AXL: variants seen among roughly 807,000 people sequenced by gnomAD.
AXL encodes the protein tyrosine-protein kinase receptor UFO.
In AXL, 52 loss-of-function variants were observed where a neutral mutation model predicts 104.5. The observed-to-expected ratio is 0.50, with a 90% CI of 0.40 to 0.63. The LOEUF is 0.63. Ranked by LOEUF, AXL falls within the 20% of genes least tolerant of loss-of-function variation. The probability of loss-of-function intolerance (pLI) is 0.00; values close to 1 mark genes in which losing one functional copy is unlikely to be tolerated. For missense variants in AXL, 1,024 were observed against 1,188.5 expected (o/e 0.86, Z 2.04); for synonymous variants, 455 against 473.7 (o/e 0.96, Z 0.51).
intron 6 of AXL, among the ~76,000 whole-genome samples, chr19:41,235,088 C>A (rs564487909): frequency 6.6e-6 from 1 of 152,128 alleles, no homozygotes; most frequent in Non-Finnish European, 1.5e-5. Flanking sequence ...CACGGTGGCT[C>A]GTGCCTGTGA....
rs2122249146 is a variant in AXL, at chr19:41,243,578, GT to G, written c.1446-33del. 3 of 1,537,850 alleles carry G rather than the reference GT, an allele frequency of 2.0e-6. No individual in the cohort carries two copies. In the African/African-American group the frequency reaches 4.1e-5, roughly 21 times the overall value. On this transcript the variant is annotated intron_variant, in intron 11 of 19. Coordinates refer to ENST00000301178, the MANE Select transcript of AXL (RefSeq NM_021913.5). ...CTGGTTGAGTAGGGGGTTCCACATG[GT>G]TTTTCCCTGCCCTCACCTACTCCCC...
intron 6 of AXL, among the ~76,000 whole-genome samples, chr19:41,235,565 G>C (rs955007340): frequency 2.6e-5 from 4 of 152,134 alleles, no homozygotes; most frequent in African/African-American, 9.7e-5. Context: ...TTGAGCCCCA[G>C]ATCCAGCATC....
At position 41,248,508 on chromosome 19, in the gene AXL, A is replaced by T; in HGVS notation, c.1538-6A>T. 1 of 1,614,190 alleles carries T rather than the reference A, an allele frequency of 6.2e-7. No homozygotes were observed. The highest frequency in any genetic ancestry group is 8.5e-7 in the Non-Finnish European group (1 of 1,179,986). On this transcript the variant is annotated splice_polypyrimidine_tract_variant and splice_region_variant and intron_variant, in intron 12 of 19. Transcript: ENST00000301178. ...ATGACTCTGTCCACCCCAACCTTGC[A>T]TGCAGTGAACAGCCTGGGCATCAGT...
chr19:41,252,426 A>G lies in AXL; in HGVS notation c.1787A>G (p.Asn596Ser), dbSNP rs1568417596. Reference protein sequence around the residue: ...AVCMKEFDHPNVMRLIGVCFQ... With the variant: ...AVCMKEFDHPSVMRLIGVCFQ... ...TGCATGAAGGAATTTGACCATCCCA[A>G]CGTCATGAGGCTCATCGGTGAGAGA... Residue 596 changes from asparagine (N) to serine (S), a missense_variant, in exon 15 of 20, where the codon AAC becomes AGC. Around this residue, in one of 5 missense-constraint regions of AXL, gnomAD observed 523 missense variants for 636.0 expected, o/e 0.82. Coordinates refer to ENST00000301178, the MANE Select transcript of AXL (RefSeq NM_021913.5). 1 of 1,613,888 alleles carries G rather than the reference A, an allele frequency of 6.2e-7. No individual in the cohort carries two copies. Among genetic ancestry groups the G allele is most frequent in the East Asian group, 2.2e-5 (1 of 44,840 alleles).
intron 4 of AXL, among the ~76,000 whole-genome samples, chr19:41,224,834 G>T (rs1404163916): frequency 6.6e-6 from 1 of 151,824 alleles, no homozygotes. Flanking sequence ...CTTCTCTCTG[G>T]TCTCCCTGTG....
At chr19:41,223,352 C>A (rs1268729531) in intron 4 of AXL, among the ~76,000 whole-genome samples, 1 of 152,040 alleles carries the variant, frequency 6.6e-6, no homozygotes, top group Non-Finnish European at 1.5e-5. Context: ...TGACAGAAAC[C>A]CTCTCCTTCT....
chr19:41,257,673 C>G (rs764157204), intron 19 of AXL, 44 bp downstream of exon 19: 21 of 1,610,998 alleles, frequency 1.3e-5, no homozygotes, highest in South Asian at 3.3e-5. Flanking sequence ...TCATTCCAAA[C>G]CCCTGACTAC....
At position 41,239,687 on chromosome 19, in the gene AXL, C is replaced by T; in HGVS notation, c.1286-7C>T. On this transcript the variant is annotated splice_region_variant and splice_polypyrimidine_tract_variant and intron_variant, in intron 9 of 19. Coordinates refer to ENST00000301178, the MANE Select transcript of AXL (RefSeq NM_021913.5). The stretch of plus-strand genomic sequence containing the variant: ...GCACATCTCCTCTCTGTCCTTTCTT[C>T]TCACAGGGCAAGCACAGCCAGTCCA... The T allele has an allele frequency of 6.2e-7, 1 of 1,614,182 alleles. No homozygotes were observed.
intron 10 of AXL, among the ~76,000 whole-genome samples, chr19:41,241,027 A>C (rs1403646860): frequency 6.6e-6 from 1 of 151,806 alleles, no homozygotes; most frequent in Admixed American, 6.6e-5. Flanking sequence ...TGTGCACCCC[A>C]TACTTCTCAT....
intron 16 of AXL, 83 bp downstream of exon 16, chr19:41,253,050 C>A: frequency 6.8e-7 from 1 of 1,461,990 alleles, no homozygotes. Context: ...CCTGGGAAGA[C>A]CACGGTGACC....
chr19:41,256,636 G>A (rs766387419), intron 18 of AXL, 25 bp downstream of exon 18: 1 of 1,607,592 alleles, frequency 6.2e-7, no homozygotes, highest in East Asian at 2.2e-5. Flanking sequence ...GCCAAGAGTG[G>A]GGAACCATGG....
In AXL at chr19:41,221,454, A is replaced by T. The variant is rs1286435565; in HGVS notation, c.409+208A>T. 7.1e-5 allele frequency: 39 copies of T among 550,166 alleles called. 1 individual carries two copies. In the South Asian group the frequency reaches 9.4e-4, roughly 13 times the overall value. The allele number at this position is 550,166 out of a possible 1,614,324, so 34.1% of individuals were successfully genotyped here. ...GTTATGGTGCCAAGGCTGGGGGATT[A>T]TATGTTCTGGGTGAAAAGACTTCTT... On this transcript the variant is annotated intron_variant, in intron 3 of 19. Coordinates refer to ENST00000301178, the MANE Select transcript of AXL (RefSeq NM_021913.5).
rs372826434 is a variant in AXL at position 41,252,397 on chromosome 19, G to A, written c.1758G>A (p.Ala586=). Residue 586 remains alanine, a synonymous_variant, in exon 15 of 20, where the codon GCG becomes GCA. Transcript: ENST00000301178. The part of the protein sequence containing the change: ...RSELEDFLSE[A]VCMKEFDHPN... ...AGCTGGAGGATTTCCTGAGTGAAGC[G>A]GTCTGCATGAAGGAATTTGACCATC... The A allele has an allele frequency of 9.9e-6, 16 of 1,613,772 alleles. No individual in the cohort carries two copies. Among genetic ancestry groups the A allele is most frequent in the African/African-American group, 6.7e-5 (5 of 74,850 alleles).
intron 6 of AXL, among the ~76,000 whole-genome samples, chr19:41,233,704 G>GCTCCCTCTCTGGGCCT (rs2034033037): frequency 1.4e-5 from 2 of 147,176 alleles, no homozygotes; most frequent in South Asian, 4.3e-4. Context: ...CCAGAGAGGG[G>GCTCCCTCTCTGGGCCT]CCCCCTCTCT....
At chr19:41,253,022 AC>A in intron 16 of AXL, 55 bp downstream of exon 16, 1 of 1,591,592 alleles carries the variant, frequency 6.3e-7, no homozygotes. Context: ...TCTATCAGGT[AC>A]CCAGTGCTGC....
rs191013804 is a variant in AXL at position 41,254,912 on chromosome 19, T to A, written c.2036+1204T>A. Among the ~76,000 whole-genome samples, 708 of 151,734 alleles carry A rather than the reference T, an allele frequency of 4.7e-3. 4 individuals carry two copies. Among genetic ancestry groups the A allele is most frequent in the Admixed American group, 7.6e-3 (115 of 15,224 alleles). ...CTGGGCAACAGGGCAAGATCCCATC[T>A]AAAAAAAAATTGATGTATATTTTAC... On this transcript the variant is annotated intron_variant, in intron 17 of 19. Coordinates refer to ENST00000301178, the MANE Select transcript of AXL (RefSeq NM_021913.5).
Position 41,261,018 on chromosome 19 carries a change from A to C in AXL, c.*1114A>C, listed in dbSNP as rs1249168971. ...CTCTTGTATAAGATCCTAGATCCTA[A>C]GGGTCGAAAGCTCTAGAATCTGCAA... is the stretch of plus-strand genomic sequence containing the variant. On this transcript the variant is annotated 3_prime_UTR_variant, in exon 20 of 20. Transcript: ENST00000301178. The C allele has an allele frequency of 6.6e-6, 1 of 152,196 alleles. No homozygotes were observed. Among genetic ancestry groups the C allele is most frequent in the African/African-American group, 2.4e-5 (1 of 41,436 alleles). 9.4% of individuals were successfully genotyped at this position (152,196 alleles called of 1,614,324 possible).
At chr19:41,233,642 A>AG (rs1427988264) in intron 6 of AXL, among the ~76,000 whole-genome samples, 1 of 148,336 alleles carries the variant, frequency 6.7e-6, no homozygotes, top group Non-Finnish European at 1.5e-5. Flanking sequence ...AAAAAAAAAA[A>AG]CAAAAAACAG....
chr19:41,242,933 C>G lies in AXL; in HGVS notation c.1363C>G (p.Leu455Val), dbSNP rs764947625. The G allele has an allele frequency of 2.5e-6, 4 of 1,614,186 alleles. No individual in the cohort carries two copies. Among genetic ancestry groups the G allele is most frequent in the Middle Eastern group, 1.6e-4 (1 of 6,062 alleles). Residue 455 changes from leucine (L) to valine (V), a missense_variant, in exon 11 of 20, where the codon CTA becomes GTA. Leu to Val is a conservative substitution (Grantham distance 32, BLOSUM62 1). Around this residue, in one of 5 missense-constraint regions of AXL, gnomAD observed 523 missense variants for 636.0 expected, o/e 0.82. Coordinates refer to ENST00000301178, the MANE Select transcript of AXL (RefSeq NM_021913.5). ...CTCGTGGCCCTGGTGGTATGTACTG[C>G]TAGGAGCAGTCGTGGCCGCTGCCTG... is the stretch of plus-strand genomic sequence containing the variant. ...AFSWPWWYVL[L>V]GAVVAAACVL... is the part of the protein sequence containing the mutation.
Sources: allele counts gnomAD v4.1 joint callset (sites outside exome capture counted in the v4.1 genomes callset), GRCh38; gene constraint gnomAD v4.1.1; regional missense constraint gnomAD v4.1.1; transcripts MANE v1.5; gene names NCBI Gene and HGNC (gene_info 2026-07-23, HGNC 2026-07-21).